Variants in CARD8 observed in about 807,000 individuals in gnomAD.
The protein encoded by CARD8 is caspase recruitment domain-containing protein 8.
In CARD8, 38 loss-of-function variants were observed where a neutral mutation model predicts 53.2. That is an observed-to-expected ratio of 0.71 (90% CI 0.55 to 0.94). CARD8 has a LOEUF of 0.94. Among genes scored for constraint, CARD8 ranks in the 40% least tolerant of loss-of-function variants. CARD8 has a pLI of 0.00. For synonymous variants in CARD8, 245 were observed against 244.9 expected (o/e 1.00, Z 0.00); for missense variants, 561 against 655.5 (o/e 0.86, Z 1.57).
chr19:48,247,418 G>A (rs532588636), intron 3 of CARD8, among the ~76,000 whole-genome samples: 1 of 152,266 alleles, frequency 6.6e-6, no homozygotes, highest in African/African-American at 2.4e-5. Flanking sequence ...TACATCCGAT[G>A]ATGAAATAAT....
At chr19:48,225,925 C>T (rs530550829) in intron 10 of CARD8, among the ~76,000 whole-genome samples, 8 of 151,970 alleles carry the variant, frequency 5.3e-5, no homozygotes, top group South Asian at 2.1e-4. Context: ...TGGTGGCGTG[C>T]GCCTATAGTC....
intron 3 of CARD8, 67 bp downstream of exon 3, chr19:48,249,456 G>A (rs2046651938): frequency 6.6e-6 from 1 of 152,030 alleles, no homozygotes; most frequent in Non-Finnish European, 1.5e-5. Context: ...ATATTTTATT[G>A]TAAATAATGG....
In CARD8 at chr19:48,234,449, A is replaced by T. The variant is rs2043211; in HGVS notation, c.304T>A (p.Phe102Ile). ...AGTTGACACTCAGGAACAGCACGGA[A>T]CAATAATGGCTCTGCCTCTGTCTCA... ...DDETEAEPLL[F>I]RAVPECQLSG... Residue 102 changes from phenylalanine to isoleucine, a missense_variant, in exon 6 of 14, where the codon TTC (phenylalanine) becomes ATC (isoleucine). Transcript: ENST00000651546. 520,684 of 1,612,308 alleles carry T rather than the reference A, an allele frequency of 0.32. 86,121 individuals carry two copies. Among genetic ancestry groups the T allele is most frequent in the East Asian group, 0.45 (20,246 of 44,794 alleles).
chr19:48,217,200 C>CG (rs2039506659), intron 12 of CARD8, among the ~76,000 whole-genome samples: 1 of 152,174 alleles, frequency 6.6e-6, no homozygotes. Context: ...GTCCACTCAC[C>CG]TCCTCTGTGC....
At chr19:48,207,747 T>TGTTTTTTTTTTTTA (rs1326234561), downstream of CARD8, among the ~76,000 whole-genome samples, 1 of 139,810 alleles carries the variant, frequency 7.2e-6, no homozygotes, top group Admixed American at 7.3e-5. Flanking sequence ...TTTTTTTTTT[T>TGTTTTTTTTTTTTA]TTTTTTGAGA....
intron 10 of CARD8, among the ~76,000 whole-genome samples, chr19:48,227,458 GAGA>G (rs1342884547): frequency 6.6e-6 from 1 of 152,116 alleles, no homozygotes; most frequent in African/African-American, 2.4e-5. Context: ...TCAATATTCA[GAGA>G]AGGTTTCAGA....
chr19:48,219,776 C>T (rs2040115678), intron 11 of CARD8, among the ~76,000 whole-genome samples: 1 of 152,082 alleles, frequency 6.6e-6, no homozygotes. Flanking sequence ...TCAAGACCAG[C>T]CTGGCCAATA....
intron 10 of CARD8, among the ~76,000 whole-genome samples, chr19:48,228,339 T>C (rs1302591720): frequency 8.5e-5 from 13 of 152,190 alleles, no homozygotes; most frequent in Admixed American, 8.5e-4. Context: ...CCCTGGTCTG[T>C]GGAAAAATGG....
downstream of CARD8, among the ~76,000 whole-genome samples, chr19:48,206,996 C>G (rs2037373660): frequency 6.6e-6 from 1 of 151,988 alleles, no homozygotes; most frequent in Non-Finnish European, 1.5e-5. Flanking sequence ...CTTCTCCTCT[C>G]TGTTCTACTA....
chr19:48,230,938 T>G lies in CARD8; in HGVS notation c.611A>C (p.Glu204Ala), dbSNP rs59878320. 9.0e-3 allele frequency: 14,502 copies of G among 1,614,058 alleles called. 731 individuals carry two copies. The African/African-American group carries it at 0.13, about 15-fold the overall frequency. ...ACCAAACGCAATCGTCACTGTGACC[T>G]CATCCCTTACCAGGAAGCCGAGGCC... ...ATGLGFLVRD[E>A]VTVTIAFGSW... The change falls in exon 9 of 14, where the codon GAG becomes GCG. Residue 204 changes from glutamate to alanine, a missense_variant. Coordinates refer to ENST00000651546, the MANE Select transcript of CARD8 (RefSeq NM_001184900.3).
chr19:48,236,771 GTTTT>G (rs1262853302), intron 5 of CARD8, among the ~76,000 whole-genome samples: 3 of 151,754 alleles, frequency 2.0e-5, no homozygotes, highest in Non-Finnish European at 2.9e-5. Flanking sequence ...GGTCATTCTG[GTTTT>G]TTTGTTTTTT....
At chr19:48,236,772 T>C (rs2043965605) in intron 5 of CARD8, among the ~76,000 whole-genome samples, 1 of 151,854 alleles carries the variant, frequency 6.6e-6, no homozygotes, top group African/African-American at 2.4e-5. Flanking sequence ...GTCATTCTGG[T>C]TTTTTTGTTT....
downstream of CARD8, among the ~76,000 whole-genome samples, chr19:48,207,734 G>GGTTTTTTTTTTTGTT (rs1555790115): frequency 8.6e-6 from 1 of 116,552 alleles, no homozygotes; most frequent in African/African-American, 3.7e-5. Flanking sequence ...TTGTTTTTCT[G>GGTTTTTTTTTTTGTT]TTTTTTTTTT....
At chr19:48,207,178 AG>A (rs66616212), downstream of CARD8, among the ~76,000 whole-genome samples, 36,916 of 129,288 alleles carry the variant, frequency 0.29, 7,312 homozygotes, top group East Asian at 0.5. Context: ...AAAAAAAAAA[AG>A]AAAAGAAAAG....
At chr19:48,244,673 G>A (rs2045813148) in intron 3 of CARD8, among the ~76,000 whole-genome samples, 1 of 152,148 alleles carries the variant, frequency 6.6e-6, no homozygotes, top group African/African-American at 2.4e-5. Flanking sequence ...CACACTTGTA[G>A]AAAGAACATT....
chr19:48,227,713 G>T (rs1020443352), intron 10 of CARD8, among the ~76,000 whole-genome samples: 6 of 150,644 alleles, frequency 4.0e-5, no homozygotes, highest in Non-Finnish European at 7.4e-5. Context: ...TGAGGCAGGA[G>T]AATCACTTGA....
chr19:48,233,369 A>G (rs192868410), intron 6 of CARD8: 15 of 456,316 alleles, frequency 3.3e-5, no homozygotes, highest in Non-Finnish European at 6.6e-5. Context: ...CAGCAGAGAA[A>G]CTGACACGTG....
chr19:48,249,414 T>G (rs1358476657), intron 3 of CARD8, 109 bp downstream of exon 3: 1 of 152,216 alleles, frequency 6.6e-6, no homozygotes, highest in Non-Finnish European at 1.5e-5. Flanking sequence ...TGCTTCAATT[T>G]TATTTAAAAT....
rs539986152 is a variant in CARD8 at position 48,216,554 on chromosome 19, A to T, written c.1304-1170T>A. Among the ~76,000 whole-genome samples, 249 of 152,332 alleles carry T rather than the reference A, an allele frequency of 1.6e-3. 1 individual carries two copies. Among genetic ancestry groups the T allele is most frequent in the Non-Finnish European group, 2.5e-3 (172 of 68,030 alleles). The stretch of plus-strand genomic sequence containing the variant: ...CCCTGCAATGTGCCTGGAAACTCCA[A>T]GTGCAGTCCCAGCTCATGTGCACCG... On this transcript the variant is annotated intron_variant, in intron 12 of 13. Transcript: ENST00000651546.
Sources: gnomAD v4.1 joint callset for allele counts (sites outside exome capture counted in the v4.1 genomes callset) on GRCh38, gnomAD v4.1.1 for gene constraint, MANE v1.5 for transcripts, NCBI Gene and HGNC (gene_info 2026-07-23, HGNC 2026-07-21) for gene names.